The following CENPC variants were observed in gnomAD, a reference collection of about 807,000 sequenced individuals.
The protein encoded by CENPC is CENP-C 1.
In CENPC, 63 loss-of-function variants were observed where a neutral mutation model predicts 112.1. The observed-to-expected ratio is 0.56, with a 90% confidence interval of 0.46 to 0.69. The LOEUF is 0.69. Among genes scored for constraint, CENPC ranks in the 30% least tolerant of loss-of-function variants. The probability of loss-of-function intolerance (pLI) is 0.00; values close to 1 mark genes in which losing one functional copy is unlikely to be tolerated. For synonymous variants in CENPC, 333 were observed against 367.6 expected (o/e 0.91, Z 1.08); for missense variants, 1,000 against 1,103.8 (o/e 0.91, Z 1.33).
chr4:67,532,878 C>T lies in CENPC; in HGVS notation c.232-1964G>A, dbSNP rs548643862. On this transcript the variant is annotated intron_variant, in intron 4 of 18. Transcript: ENST00000273853. ...AACCTGCACGTTGTGCACATGTACC[C>T]TAAAATTTAAAGTAAAATAATAATT... Among the ~76,000 whole-genome samples the T allele has an allele frequency of 2.0e-5, 3 of 152,138 alleles. No homozygotes were observed. In the South Asian group the frequency reaches 6.2e-4, roughly 32 times the overall value.
intron 5 of CENPC, among the ~76,000 whole-genome samples, chr4:67,519,989 A>C (rs1726175853): frequency 6.6e-6 from 1 of 152,196 alleles, no homozygotes; most frequent in African/African-American, 2.4e-5. Context: ...AAAAAAAGGT[A>C]GACTAGCTAG....
chr4:67,520,692 T>C, intron 5 of CENPC, among the ~76,000 whole-genome samples: 1 of 152,012 alleles, frequency 6.6e-6, no homozygotes, highest in Non-Finnish European at 1.5e-5. Context: ...AACACTTAAC[T>C]ATCATTGAAA....
At chr4:67,523,391 A>G (rs1308514999) in intron 5 of CENPC, among the ~76,000 whole-genome samples, 1 of 152,174 alleles carries the variant, frequency 6.6e-6, no homozygotes, top group Admixed American at 6.5e-5. Context: ...AGTTGATAAA[A>G]CTGTTTTCCA....
rs146230169 is a variant in CENPC, at chr4:67,496,486, T to C, written c.2132-1274A>G. Among the ~76,000 whole-genome samples, 703 of 152,360 alleles carry C rather than the reference T, an allele frequency of 4.6e-3. 7 individuals are homozygous for C. The highest frequency in any genetic ancestry group is 0.016 in the African/African-American group (681 of 41,586). On this transcript the variant is annotated intron_variant, in intron 12 of 18. Transcript: ENST00000273853. ...CTAAAACTGCAAATACAATTTTGTA[T>C]GAAATATATACCTTTTTTCCCTAAA...
Position 67,513,471 on chromosome 4 carries a change from C to T in CENPC, c.1444+603G>A, listed in dbSNP as rs78255219. On this transcript the variant is annotated intron_variant, in intron 8 of 18. Transcript: ENST00000273853. ...ATGTTTAATATTTACAATTATAGAGCGCATCTTTCAAGTATACTTCCTTCA... is the reference window on the plus strand; with the variant it reads ...ATGTTTAATATTTACAATTATAGAGTGCATCTTTCAAGTATACTTCCTTCA... 8.7e-3 allele frequency among the ~76,000 whole-genome samples: 1,319 copies of T among 152,110 alleles called. 9 individuals are homozygous for T. The highest frequency in any genetic ancestry group is 0.012 in the Non-Finnish European group (844 of 67,976).
At chr4:67,513,963 T>C in intron 8 of CENPC, 111 bp downstream of exon 8, 3 of 990,798 alleles carry the variant, frequency 3.0e-6, no homozygotes, top group Non-Finnish European at 2.8e-6. Context: ...CTTTTCAGGC[T>C]CTTTGTTCAT....
intron 4 of CENPC, among the ~76,000 whole-genome samples, chr4:67,535,779 A>C (rs368490071): frequency 6.6e-6 from 1 of 152,176 alleles, no homozygotes; most frequent in Non-Finnish European, 1.5e-5. Context: ...ATGACAAATA[A>C]AGTCTAAACT....
At chr4:67,484,202 T>G (rs963923331) in intron 17 of CENPC, among the ~76,000 whole-genome samples, 5 of 152,220 alleles carry the variant, frequency 3.3e-5, no homozygotes, top group African/African-American at 7.2e-5. Context: ...TCTACAGTAT[T>G]CAGCACAGAA....
At chr4:67,490,261 G>T in intron 16 of CENPC, 140 bp from the exon 17 acceptor site, 1 of 521,382 alleles carries the variant, frequency 1.9e-6, no homozygotes, top group Non-Finnish European at 3.1e-6. Context: ...TAACTCTGGA[G>T]CTAGAATGCC....
At chr4:67,531,995 A>T (rs967027284) in intron 4 of CENPC, among the ~76,000 whole-genome samples, 2 of 152,246 alleles carry the variant, frequency 1.3e-5, no homozygotes, top group African/African-American at 2.4e-5. Context: ...CAATCTACCC[A>T]TCTGACAAAG....
intron 14 of CENPC, 54 bp downstream of exon 14, chr4:67,493,830 C>T: frequency 8.7e-7 from 1 of 1,151,940 alleles, no homozygotes; most frequent in Non-Finnish European, 1.3e-6. Context: ...CAGTGTCTGG[C>T]ACATAGTAAA....
chr4:67,520,477 G>C (rs1726191410), intron 5 of CENPC, among the ~76,000 whole-genome samples: 1 of 152,094 alleles, frequency 6.6e-6, no homozygotes, highest in Admixed American at 6.6e-5. Context: ...GGCAAGAACA[G>C]CGTAAGAGAG....
In CENPC at chr4:67,509,122, T is replaced by C. The variant is rs776290165; in HGVS notation, c.1613-17A>G. 1.9e-6 allele frequency: 3 copies of C among 1,580,948 alleles called. No individual in the cohort carries two copies. The highest frequency in any genetic ancestry group is 3.5e-5 in the Admixed American group (2 of 56,458). ...AAACAGGACCTGAAGGATTCAATGA[T>C]AACCTAAAGTTAGTAAGTTTGTCCA... On this transcript the variant is annotated splice_polypyrimidine_tract_variant and intron_variant, in intron 9 of 18. Transcript: ENST00000273853.
chr4:67,538,672 T>C (rs904461079), intron 4 of CENPC, among the ~76,000 whole-genome samples: 4 of 152,086 alleles, frequency 2.6e-5, no homozygotes, highest in Non-Finnish European at 5.9e-5. Context: ...CTCTCAAGCA[T>C]TCAATCAAAT....
Position 67,474,982 on chromosome 4 carries a change from T to TA in CENPC, c.2671-5dup, listed in dbSNP as rs756585275. On this transcript the variant is annotated splice_region_variant and splice_polypyrimidine_tract_variant and intron_variant, in intron 17 of 18. Coordinates refer to ENST00000273853, the MANE Select transcript of CENPC (RefSeq NM_001812.4). ...CACCAAAGTTAACATAAAAAACCTG[T>TA]AAAAATAAAAATAAAAATCTCATTC... The TA allele has an allele frequency of 1.7e-5, 23 of 1,377,560 alleles. No individual in the cohort carries two copies. The African/African-American group carries it at 3.1e-4, about 19-fold the overall frequency. 85.3% of individuals were successfully genotyped at this position (1,377,560 alleles called of 1,614,324 possible).
At chr4:67,491,500 G>T (rs1459990907) in intron 16 of CENPC, among the ~76,000 whole-genome samples, 22 of 131,628 alleles carry the variant, frequency 1.7e-4, no homozygotes, top group African/African-American at 5.9e-4. Context: ...GAGAGAGAGA[G>T]AGAGAGAGAG....
In CENPC at chr4:67,509,010, T is replaced by G; in HGVS notation, c.1708A>C (p.Asn570His). Residue 570 changes from asparagine to histidine, a missense_variant, in exon 10 of 19, where the codon AAT becomes CAT. Asn to His is a moderately conservative substitution (Grantham distance 68). Transcript: ENST00000273853. ...STKKTNQSSK[N>H]IRKKTIPLKR... ...AGTGGAATAGTTTTTTTCCTAATAT[T>G]CTTAGATGACTGATTTGTTTTCTTA... 1 of 1,613,222 alleles carries G rather than the reference T, an allele frequency of 6.2e-7. No homozygotes were observed. The highest frequency in any genetic ancestry group is 8.5e-7 in the Non-Finnish European group (1 of 1,179,572).
chr4:67,525,037 T>C (rs1212666029), intron 5 of CENPC, among the ~76,000 whole-genome samples: 1 of 152,088 alleles, frequency 6.6e-6, no homozygotes, highest in Non-Finnish European at 1.5e-5. Context: ...TCTACAACCG[T>C]TTGCTCTTCG....
rs1339188690 is a variant in CENPC, at chr4:67,520,373, C to A, written c.332-871G>T. ...AGTGAAACCCCTGACCTTCACAGCC[C>A]AAGGCAACATTTTGATCCACTGATA... On this transcript the variant is annotated intron_variant, in intron 5 of 18. Transcript: ENST00000273853. 1.1e-4 allele frequency among the ~76,000 whole-genome samples: 16 copies of A among 152,222 alleles called. No homozygotes were observed. The East Asian group carries it at 1.2e-3, about 11-fold the overall frequency.
Sources: allele counts gnomAD v4.1 joint callset (sites outside exome capture counted in the v4.1 genomes callset), GRCh38; gene constraint gnomAD v4.1.1; transcripts MANE v1.5; gene names NCBI Gene and HGNC (gene_info 2026-07-23, HGNC 2026-07-21).